PLEKHG1: variants seen among roughly 807,000 people sequenced by gnomAD.
PLEKHG1 encodes the protein pleckstrin homology and RhoGEF domain containing G1.
Under a neutral mutation model 100.8 loss-of-function variants are expected in PLEKHG1, and 44 were observed. The observed-to-expected ratio is 0.44, with a 90% CI of 0.34 to 0.56. The LOEUF (loss-of-function observed/expected upper bound fraction) is 0.56. PLEKHG1 is among the 20% of genes least tolerant of loss of function. The pLI, the probability that PLEKHG1 is intolerant of heterozygous loss-of-function variation, is 0.01. For missense variants in PLEKHG1, 1,545 were observed against 1,720.9 expected (o/e 0.90, Z 1.81); for synonymous variants, 640 against 662.5 (o/e 0.97, Z 0.52).
At chr6:150,809,732 A>G in exon 10 of PLEKHG1, 3 of 1,608,396 alleles carry the variant, frequency 1.9e-6, no homozygotes, top group Non-Finnish European at 1.7e-6. Context: ...GATTCCAGCT[A>G]AGGTAGGACA....
At chr6:150,603,774 C>T (rs1776470727) in intron 1 of PLEKHG1, among the ~76,000 whole-genome samples, 1 of 152,142 alleles carries the variant, frequency 6.6e-6, no homozygotes, top group African/African-American at 2.4e-5. Flanking sequence ...TATTGAATTA[C>T]CGTTTGATGG....
intron 2 of PLEKHG1, among the ~76,000 whole-genome samples, chr6:150,766,694 A>G (rs993438703): frequency 2.6e-5 from 4 of 152,346 alleles, no homozygotes; most frequent in African/African-American, 9.6e-5. Context: ...GCGATGGGCC[A>G]TCAGTTGTTG....
chr6:150,759,277 G>A (rs1784025917), intron 2 of PLEKHG1, among the ~76,000 whole-genome samples: 1 of 152,144 alleles, frequency 6.6e-6, no homozygotes, highest in African/African-American at 2.4e-5. Context: ...AAGGCAGTGG[G>A]TACCGCATGT....
upstream of PLEKHG1, chr6:150,721,077 C>G: frequency 1.2e-6 from 1 of 860,594 alleles, no homozygotes; most frequent in Non-Finnish European, 1.4e-6. Flanking sequence ...GAGATAAAAG[C>G]TGACTCATGC....
At chr6:150,723,509 A>G (rs1313298724) in intron 1 of PLEKHG1, among the ~76,000 whole-genome samples, 1 of 152,194 alleles carries the variant, frequency 6.6e-6, no homozygotes. Context: ...ACAAGGAAGG[A>G]TGGACTAGAA....
intron 15 of PLEKHG1, among the ~76,000 whole-genome samples, chr6:150,833,770 C>G (rs1018562226): frequency 5.3e-5 from 8 of 152,164 alleles, no homozygotes; most frequent in African/African-American, 1.7e-4. Context: ...CAAGGACCAC[C>G]TTAGTATCAA....
chr6:150,776,444 T>C (rs1784966828), intron 3 of PLEKHG1, among the ~76,000 whole-genome samples: 1 of 146,046 alleles, frequency 6.8e-6, no homozygotes, highest in South Asian at 2.2e-4. Context: ...GGTGCACATG[T>C]GCAGTTGCAC....
chr6:150,766,591 G>A (rs1107523), intron 2 of PLEKHG1, among the ~76,000 whole-genome samples: 55,518 of 152,064 alleles, frequency 0.37, 12,512 homozygotes, highest in African/African-American at 0.62. Flanking sequence ...GACTCCTCAC[G>A]ATCTGTTTTC....
chr6:150,817,264 G>T (rs936788167), intron 10 of PLEKHG1, among the ~76,000 whole-genome samples: 9 of 152,206 alleles, frequency 5.9e-5, no homozygotes, highest in Admixed American at 3.9e-4. Context: ...CCTGAGCTGG[G>T]ATCACAGACA....
At chr6:150,805,221 C>T (rs992265025) in intron 7 of PLEKHG1, among the ~76,000 whole-genome samples, 21 of 152,208 alleles carry the variant, frequency 1.4e-4, no homozygotes, top group African/African-American at 5.1e-4. Flanking sequence ...AGGCATGAGC[C>T]ACCACACCCG....
intron 1 of PLEKHG1, among the ~76,000 whole-genome samples, chr6:150,621,672 G>A (rs1178099219): frequency 2.6e-5 from 4 of 152,152 alleles, no homozygotes; most frequent in Non-Finnish European, 5.9e-5. Context: ...ACCATGCCTG[G>A]CTGGCACAAA....
chr6:150,804,734 G>T (rs370177473), exon 7 of PLEKHG1: 1 of 1,612,604 alleles, frequency 6.2e-7, no homozygotes, highest in Non-Finnish European at 8.5e-7. Flanking sequence ...CACGCGGTCC[G>T]GTTACAGGTG....
At chr6:150,692,090 G>A (rs917516548) in intron 3 of PLEKHG1, among the ~76,000 whole-genome samples, 6 of 152,182 alleles carry the variant, frequency 3.9e-5, no homozygotes, top group Non-Finnish European at 2.9e-5. Context: ...TTTATATGGG[G>A]TGAGGAATTT....
upstream of PLEKHG1, among the ~76,000 whole-genome samples, chr6:150,718,907 G>T (rs1191214653): frequency 6.6e-6 from 1 of 151,124 alleles, no homozygotes; most frequent in Non-Finnish European, 1.5e-5. Flanking sequence ...AAAAAAATGT[G>T]TTTGTGTGTG....
At chr6:150,672,997 T>G (rs968273210) in intron 3 of PLEKHG1, among the ~76,000 whole-genome samples, 1 of 152,244 alleles carries the variant, frequency 6.6e-6, no homozygotes, top group African/African-American at 2.4e-5. Flanking sequence ...TTGGCAGTCA[T>G]GGTTGGTTGC....
At chr6:150,734,638 G>A (rs1782469049) in intron 2 of PLEKHG1, among the ~76,000 whole-genome samples, 1 of 152,186 alleles carries the variant, frequency 6.6e-6, no homozygotes, top group Non-Finnish European at 1.5e-5. Context: ...AGCCGCTGCT[G>A]TCTGCTATTC....
rs765508188 is a variant in PLEKHG1 at position 150,840,597 on chromosome 6, G to A, written c.3859G>A (p.Glu1287Lys). The A allele has an allele frequency of 1.1e-5, 18 of 1,614,116 alleles. No individual in the cohort carries two copies. In the Admixed American group the frequency reaches 1.2e-4, roughly 10 times the overall value. Residue 1287 changes from glutamate to lysine, a missense_variant, in exon 16 of 16, where the codon GAA becomes AAA. Coordinates refer to ENST00000358517, the Ensembl canonical transcript of PLEKHG1. ...TGACTATGTGGAAATCAAGTCAGAAGAAGATGAGTCGGAGTTGGAGCTATC... is the reference window on the plus strand; with the variant it reads ...TGACTATGTGGAAATCAAGTCAGAAAAAGATGAGTCGGAGTTGGAGCTATC...
intron 2 of PLEKHG1, among the ~76,000 whole-genome samples, chr6:150,642,188 C>G (rs1187917972): frequency 6.6e-6 from 1 of 152,146 alleles, no homozygotes; most frequent in Non-Finnish European, 1.5e-5. Context: ...GAAACCACAG[C>G]CAGCTGAATT....
chr6:150,678,085 T>TAA (rs1554259151), intron 3 of PLEKHG1, among the ~76,000 whole-genome samples: 8 of 141,250 alleles, frequency 5.7e-5, no homozygotes, highest in African/African-American at 2.1e-4. Context: ...TATATATATA[T>TAA]ATATATATAT....
Sources: allele counts gnomAD v4.1 joint callset (sites outside exome capture counted in the v4.1 genomes callset), GRCh38; gene constraint gnomAD v4.1.1; transcripts MANE v1.5; gene names NCBI Gene and HGNC (gene_info 2026-07-23, HGNC 2026-07-21).